SPON1: variants seen among roughly 807,000 people sequenced by gnomAD.
The protein encoded by SPON1 is spondin-1.
Under a neutral mutation model 111.7 loss-of-function variants are expected in SPON1, and 52 were observed. The ratio of observed to expected loss-of-function variants is 0.47; its 90% CI spans 0.37 to 0.59. The LOEUF (loss-of-function observed/expected upper bound fraction) is 0.59. SPON1 is among the 20% of genes least tolerant of loss of function. The pLI, the probability that SPON1 is intolerant of heterozygous loss-of-function variation, is 0.00. For missense variants in SPON1, 957 were observed against 1,068.5 expected (o/e 0.90, Z 1.46); for synonymous variants, 410 against 395.8 (o/e 1.04, Z -0.43).
chr11:14,159,187 G>T (rs1212553831), intron 6 of SPON1, among the ~76,000 whole-genome samples: 4 of 152,030 alleles, frequency 2.6e-5, no homozygotes, highest in Non-Finnish European at 4.4e-5. Context: ...GTCATGAATT[G>T]ATGCCACTTT....
chr11:14,105,437 C>T (rs1020464034), intron 5 of SPON1, among the ~76,000 whole-genome samples: 3 of 152,114 alleles, frequency 2.0e-5, no homozygotes, highest in Non-Finnish European at 2.9e-5. Context: ...TTTACTCCTT[C>T]CTGCCCCTTC....
intron 5 of SPON1, among the ~76,000 whole-genome samples, chr11:14,095,743 G>T (rs1849095924): frequency 1.3e-5 from 2 of 152,202 alleles, no homozygotes; most frequent in Non-Finnish European, 2.9e-5. Flanking sequence ...CACGGGGGAT[G>T]GAAGTCTCCT....
chr11:14,023,739 C>T (rs1378284622), intron 2 of SPON1, among the ~76,000 whole-genome samples: 1 of 152,132 alleles, frequency 6.6e-6, no homozygotes, highest in African/African-American at 2.4e-5. Context: ...TGCGGTGGCT[C>T]ACGCCTGTAA....
At position 14,090,823 on chromosome 11, in the gene SPON1, G is replaced by GCCAC. The variant is rs1360339677; in HGVS notation, c.676+10802_676+10803insCCAC. Among the ~76,000 whole-genome samples, 19 of 27,052 alleles carry GCCAC rather than the reference G, an allele frequency of 7.0e-4. 3 individuals are homozygous for GCCAC. The highest frequency in any genetic ancestry group is 1.9e-3 in the South Asian group (1 of 540). The allele number at this position is 27,052 out of a possible 152,430, so 17.7% of individuals were successfully genotyped here. On this transcript the variant is annotated intron_variant, in intron 5 of 15. Transcript: ENST00000576479. ...GCAGCCTGCTTTTATTCTCTTATCT[G>GCCAC]GCCCCCCCCCCCCCCCCCCCCGCCC...
intron 7 of SPON1, among the ~76,000 whole-genome samples, chr11:14,250,125 AGATATT>A (rs1554940556): frequency 1.3e-5 from 2 of 152,210 alleles, no homozygotes; most frequent in East Asian, 1.9e-4. Context: ...TAGATAATAT[AGATATT>A]AACACTTTGT....
chr11:14,018,074 T>C (rs1296324517), intron 2 of SPON1, among the ~76,000 whole-genome samples: 5 of 152,242 alleles, frequency 3.3e-5, no homozygotes, highest in Non-Finnish European at 7.3e-5. Context: ...ATTCTTTAGC[T>C]CACTTTTCTT....
chr11:14,024,938 C>G (rs1324553593), intron 2 of SPON1, among the ~76,000 whole-genome samples: 2 of 152,166 alleles, frequency 1.3e-5, no homozygotes, highest in Non-Finnish European at 2.9e-5. Flanking sequence ...TGAAAAGAAT[C>G]TGGAGGCCAT....
chr11:14,161,417 C>G (rs1246398140), intron 6 of SPON1, among the ~76,000 whole-genome samples: 2 of 149,966 alleles, frequency 1.3e-5, no homozygotes, highest in African/African-American at 4.9e-5. Context: ...CTCCCAGGTT[C>G]AAGTGATTCT....
At chr11:14,237,408 A>C (rs1228350772) in intron 6 of SPON1, among the ~76,000 whole-genome samples, 2 of 152,216 alleles carry the variant, frequency 1.3e-5, no homozygotes, top group Non-Finnish European at 2.9e-5. Context: ...CAAAATGAGC[A>C]ACATGGGGGA....
At chr11:14,006,753 G>T (rs1465473789) in intron 2 of SPON1, among the ~76,000 whole-genome samples, 4 of 152,100 alleles carry the variant, frequency 2.6e-5, no homozygotes, top group Non-Finnish European at 5.9e-5. Flanking sequence ...CTCCAGCCCT[G>T]AATGAACACA....
chr11:14,041,343 C>T (rs574446634), intron 2 of SPON1, among the ~76,000 whole-genome samples, 178 bp from the exon 3 acceptor site: 5 of 152,316 alleles, frequency 3.3e-5, no homozygotes, highest in African/African-American at 1.2e-4. Context: ...AATGTTAATT[C>T]ATTCAACAAG....
chr11:13,970,231 T>A (rs1484521455), intron 1 of SPON1, among the ~76,000 whole-genome samples: 1 of 152,158 alleles, frequency 6.6e-6, no homozygotes, highest in Non-Finnish European at 1.5e-5. Flanking sequence ...GGGGTGCAGA[T>A]AGGACAGGGC....
intron 2 of SPON1, among the ~76,000 whole-genome samples, chr11:14,029,403 A>G (rs781812085): frequency 9.2e-5 from 14 of 152,220 alleles, no homozygotes; most frequent in East Asian, 1.9e-4. Flanking sequence ...AGTTTTGTTG[A>G]TAAACTTTCT....
intron 6 of SPON1, among the ~76,000 whole-genome samples, chr11:14,236,113 T>A (rs1336549768): frequency 6.6e-6 from 1 of 152,002 alleles, no homozygotes; most frequent in Non-Finnish European, 1.5e-5. Context: ...GCCAGAGGAA[T>A]GGCATGATAT....
At chr11:14,063,720 T>G (rs1848809316) in intron 3 of SPON1, among the ~76,000 whole-genome samples, 1 of 152,220 alleles carries the variant, frequency 6.6e-6, no homozygotes, top group South Asian at 2.1e-4. Flanking sequence ...AGTCAGCAAG[T>G]GTCTTTTTTA....
chr11:14,229,352 G>A (rs1447283962), intron 6 of SPON1, among the ~76,000 whole-genome samples: 2 of 152,212 alleles, frequency 1.3e-5, no homozygotes, highest in South Asian at 2.1e-4. Context: ...GGCTTGAGGG[G>A]ACAAGGGCAG....
chr11:14,028,904 C>T (rs1173678172), intron 2 of SPON1, among the ~76,000 whole-genome samples: 2 of 152,192 alleles, frequency 1.3e-5, no homozygotes, highest in Non-Finnish European at 2.9e-5. Flanking sequence ...TCTCAGGATT[C>T]CAGGAGCACA....
At chr11:14,030,705 A>G (rs1289686078) in intron 2 of SPON1, among the ~76,000 whole-genome samples, 1 of 152,210 alleles carries the variant, frequency 6.6e-6, no homozygotes, top group African/African-American at 2.4e-5. Context: ...ACAAAAAATA[A>G]CAGATGCTAG....
intron 6 of SPON1, among the ~76,000 whole-genome samples, chr11:14,189,377 G>T (rs1848319520): frequency 6.6e-6 from 1 of 152,162 alleles, no homozygotes; most frequent in African/African-American, 2.4e-5. Flanking sequence ...TCCCTGTGTG[G>T]CCCATATACC....
Sources: gnomAD v4.1 joint callset for allele counts (sites outside exome capture counted in the v4.1 genomes callset) on GRCh38, gnomAD v4.1.1 for gene constraint, MANE v1.5 for transcripts, NCBI Gene and HGNC (gene_info 2026-07-23, HGNC 2026-07-21) for gene names.